Variants in TBC1D19 observed in about 807,000 individuals in gnomAD.
TBC1D19 encodes TBC1 domain family member 19, also known as TBC1 domain family, member 19.
TBC1D19 carries 60 observed loss-of-function variants against 89.0 expected under a neutral mutation model. That is an observed-to-expected ratio of 0.67 (90% confidence interval 0.55 to 0.84). The LOEUF is 0.84. Ranked by LOEUF, TBC1D19 falls within the 40% of genes least tolerant of loss-of-function variation. The pLI, the probability that TBC1D19 is intolerant of heterozygous loss-of-function variation, is 0.00. For synonymous variants in TBC1D19, 189 were observed against 199.7 expected (o/e 0.95, Z 0.45); for missense variants, 500 against 610.8 (o/e 0.82, Z 1.91).
chr4:26,691,961 A>C (rs977275755), intron 13 of TBC1D19, among the ~76,000 whole-genome samples: 4 of 152,158 alleles, frequency 2.6e-5, no homozygotes, highest in Non-Finnish European at 5.9e-5. Context: ...TATTTTTTTA[A>C]AAGTATTTAA....
chr4:26,817,981 A>AATATATATAT, the TBC1D19 span, among the ~76,000 whole-genome samples: 213 of 126,020 alleles, frequency 1.7e-3, 5 homozygotes, highest in African/African-American at 7.3e-3. Flanking sequence ...AAAAAAAAAA[A>AATATATATAT]ATATATATAT....
chr4:26,598,048 G>C (rs1360876769), intron 1 of TBC1D19, among the ~76,000 whole-genome samples: 1 of 152,028 alleles, frequency 6.6e-6, no homozygotes, highest in African/African-American at 2.4e-5. Flanking sequence ...TTTTAAATCT[G>C]TATATATTTT....
the TBC1D19 span, among the ~76,000 whole-genome samples, chr4:26,854,577 T>C: frequency 2.0e-5 from 3 of 152,208 alleles, no homozygotes; most frequent in Non-Finnish European, 4.4e-5. Context: ...AGAAGGGATG[T>C]TTCAATCTTC....
intron 1 of TBC1D19, among the ~76,000 whole-genome samples, chr4:26,593,664 C>T (rs1434173419): frequency 1.6e-4 from 24 of 152,150 alleles, no homozygotes; most frequent in African/African-American, 4.8e-4. Flanking sequence ...TCAACCCCAT[C>T]AACAAGTGGG....
Position 26,673,878 on chromosome 4 carries a change from G to A in TBC1D19, c.806G>A (p.Ser269Asn). The A allele has an allele frequency of 6.3e-7, 1 of 1,594,718 alleles. No homozygotes were observed. Among genetic ancestry groups the A allele is most frequent in the Non-Finnish European group, 8.6e-7 (1 of 1,168,388 alleles). Reference sequence around the variant, plus strand: ...TGGGCTCTCATTTTGAATATTTCCAGCCAACCTGAGGTAAGAAGAAAAAAA... The same window carrying A: ...TGGGCTCTCATTTTGAATATTTCCAACCAACCTGAGGTAAGAAGAAAAAAA... ...ELWALILNIS[S>N]QPEDVLYYEQ... Residue 269 changes from serine (S) to asparagine (N), a missense_variant, in exon 11 of 21, where the codon AGC (serine) becomes AAC (asparagine). By Grantham distance (46) the Ser-to-Asn change is conservative. Coordinates refer to ENST00000264866, the MANE Select transcript of TBC1D19 (RefSeq NM_018317.4).
intron 6 of TBC1D19, 71 bp from the exon 7 acceptor site, chr4:26,640,070 G>T (rs1743395161): frequency 1.9e-6 from 2 of 1,068,714 alleles, no homozygotes; most frequent in Admixed American, 2.0e-5. Flanking sequence ...GTGAAAGAAT[G>T]ATTAACATTT....
chr4:26,622,761 G>A (rs1436261125), intron 4 of TBC1D19, among the ~76,000 whole-genome samples: 4 of 152,148 alleles, frequency 2.6e-5, no homozygotes, highest in Non-Finnish European at 4.4e-5. Context: ...GGTTGTTGCT[G>A]CTTTTGCACA....
chr4:26,788,560 T>C, the TBC1D19 span, among the ~76,000 whole-genome samples: 3 of 152,188 alleles, frequency 2.0e-5, no homozygotes, highest in African/African-American at 4.8e-5. Context: ...ACACCACCAG[T>C]GGATAACAGA....
chr4:26,730,609 T>C (rs1717596735), intron 15 of TBC1D19, among the ~76,000 whole-genome samples: 1 of 152,220 alleles, frequency 6.6e-6, no homozygotes, highest in South Asian at 2.1e-4. Context: ...TTGACACGTA[T>C]ACTTTGATAA....
chr4:26,588,606 T>C (rs538437362), intron 1 of TBC1D19, among the ~76,000 whole-genome samples: 1 of 152,288 alleles, frequency 6.6e-6, no homozygotes, highest in Non-Finnish European at 1.5e-5. Flanking sequence ...ATATAGTCTA[T>C]TGCCATTTTC....
intron 20 of TBC1D19, 170 bp downstream of exon 20, chr4:26,754,060 A>G (rs1719131536): frequency 3.4e-6 from 2 of 594,518 alleles, no homozygotes; most frequent in Non-Finnish European, 5.8e-6. Context: ...AAATTTCTTT[A>G]ATTACTTGAG....
chr4:26,643,019 G>C (rs1398508740), intron 7 of TBC1D19, among the ~76,000 whole-genome samples: 1 of 152,140 alleles, frequency 6.6e-6, no homozygotes, highest in Non-Finnish European at 1.5e-5. Flanking sequence ...ACAGATCAAT[G>C]AGACAGAAGG....
At chr4:26,703,400 G>T (rs1216005506) in intron 13 of TBC1D19, among the ~76,000 whole-genome samples, 3 of 152,150 alleles carry the variant, frequency 2.0e-5, no homozygotes, top group Non-Finnish European at 4.4e-5. Flanking sequence ...GCATGTGTGT[G>T]TGTGTGCATG....
intron 13 of TBC1D19, among the ~76,000 whole-genome samples, chr4:26,695,674 A>G (rs1714710176): frequency 6.6e-6 from 1 of 152,228 alleles, no homozygotes; most frequent in Admixed American, 6.5e-5. Flanking sequence ...CAGAAACTCT[A>G]CAAGCCAGAA....
intron 12 of TBC1D19, among the ~76,000 whole-genome samples, chr4:26,686,644 A>G (rs1174155845): frequency 6.6e-6 from 1 of 152,200 alleles, no homozygotes; most frequent in Non-Finnish European, 1.5e-5. Context: ...TGTAATATGT[A>G]AAATTTGTTG....
intron 7 of TBC1D19, among the ~76,000 whole-genome samples, chr4:26,642,166 G>A (rs562517104): frequency 6.6e-6 from 1 of 152,302 alleles, no homozygotes; most frequent in Admixed American, 6.5e-5. Flanking sequence ...AACATGTTAA[G>A]GGCAGCCAGA....
At chr4:26,758,157 T>C (rs1719338622), downstream of TBC1D19, among the ~76,000 whole-genome samples, 1 of 152,188 alleles carries the variant, frequency 6.6e-6, no homozygotes, top group Non-Finnish European at 1.5e-5. Flanking sequence ...CTTGTTCTTA[T>C]AAAACTGTTC....
chr4:26,684,055 T>C (rs1259429156), intron 12 of TBC1D19, among the ~76,000 whole-genome samples: 1 of 152,226 alleles, frequency 6.6e-6, no homozygotes, highest in East Asian at 1.9e-4. Flanking sequence ...AAAAGGCAAC[T>C]GAAAAGCAAA....
intron 1 of TBC1D19, among the ~76,000 whole-genome samples, chr4:26,608,435 C>T (rs1406145415): frequency 6.6e-6 from 1 of 152,220 alleles, no homozygotes; most frequent in African/African-American, 2.4e-5. Context: ...AATAGGGTTT[C>T]GATTTCATTT....
Sources: gnomAD v4.1 joint callset for allele counts (sites outside exome capture counted in the v4.1 genomes callset) on GRCh38, gnomAD v4.1.1 for gene constraint, MANE v1.5 for transcripts, NCBI Gene and HGNC (gene_info 2026-07-23, HGNC 2026-07-21) for gene names.